Variants in SIK3 observed in about 807,000 individuals in gnomAD.
SIK3 encodes serine/threonine-protein kinase SIK3.
SIK3 carries 28 observed loss-of-function variants against 144.2 expected under a neutral mutation model. The ratio of observed to expected loss-of-function variants is 0.19; its 90% CI spans 0.14 to 0.27. SIK3 has a LOEUF of 0.27. Ranked by LOEUF, SIK3 falls within the 10% of genes least tolerant of loss-of-function variation. The probability of loss-of-function intolerance (pLI) is 1.00; values close to 1 mark genes in which losing one functional copy is unlikely to be tolerated. For synonymous variants in SIK3, 686 were observed against 676.3 expected (o/e 1.01, Z -0.22); for missense variants, 1,319 against 1,776.0 (o/e 0.74, Z 4.62).
At position 116,849,049 on chromosome 11, in the gene SIK3, C is replaced by T. The variant is rs1441229723; in HGVS notation, c.3819+71G>A. On this transcript the variant is annotated intron_variant, in intron 22 of 24. Coordinates refer to ENST00000445177, the MANE Select transcript of SIK3 (RefSeq NM_001366686.3). This position sits in a 1 kb window ranked among gnomAD's most constrained non-coding sequence, Gnocchi z 4.2. ...AGAGCGGCCAAGAGAGGCTACCCCA[C>T]ATCACTATACTCTGTTTCAAGGCTG... 2.0e-6 allele frequency: 3 copies of T among 1,474,038 alleles called. No homozygotes were observed. Among genetic ancestry groups the T allele is most frequent in the African/African-American group, 2.8e-5 (2 of 70,406 alleles). 91.3% of individuals were successfully genotyped at this position (1,474,038 alleles called of 1,614,324 possible). A position where few individuals can be genotyped will look rare whatever the true frequency, so the allele number is the denominator to read the frequency against.
At chr11:117,047,775 T>A (rs1953036618) in intron 1 of SIK3, among the ~76,000 whole-genome samples, 1 of 152,176 alleles carries the variant, frequency 6.6e-6, no homozygotes, top group African/African-American at 2.4e-5. Context: ...AGACCTCATA[T>A]TTACTTATAT....
At chr11:117,078,277 G>A (rs1353634909) in intron 1 of SIK3, among the ~76,000 whole-genome samples, 1 of 152,162 alleles carries the variant, frequency 6.6e-6, no homozygotes, top group African/African-American at 2.4e-5. Context: ...ATAAGAAAGT[G>A]ATTATTCAGC....
chr11:116,859,120 A>T, intron 20 of SIK3, 145 bp downstream of exon 20: 1 of 773,636 alleles, frequency 1.3e-6, no homozygotes. Context: ...TTCCAAACCC[A>T]GCATCCTGAT....
chr11:117,077,889 T>A (rs1464590313), intron 1 of SIK3, among the ~76,000 whole-genome samples: 2 of 152,176 alleles, frequency 1.3e-5, no homozygotes, highest in African/African-American at 4.8e-5. Flanking sequence ...CAAACAAACC[T>A]GTGTGTGTAT....
At chr11:116,877,396 G>C (rs1394199704) in intron 6 of SIK3, among the ~76,000 whole-genome samples, 1 of 152,186 alleles carries the variant, frequency 6.6e-6, no homozygotes, top group African/African-American at 2.4e-5. Context: ...AAGAGATTCA[G>C]TATCTTACAA....
intron 4 of SIK3, among the ~76,000 whole-genome samples, chr11:116,907,903 C>T (rs1378630040): frequency 6.6e-6 from 1 of 151,536 alleles, no homozygotes; most frequent in East Asian, 1.9e-4. Flanking sequence ...ATTACAGAGG[C>T]TGCCATCCTC....
In SIK3 at chr11:116,847,540, C is replaced by T. The variant is rs139869704; in HGVS notation, c.3888G>A (p.Ser1296=). The change falls in exon 23 of 25, where the codon TCG becomes TCA. Residue 1296 remains serine, a synonymous_variant. Transcript: ENST00000445177. The stretch of plus-strand genomic sequence containing the variant: ...GCGAAGACTGACTGAGAACTGCATC[C>T]GACATCCGGGCAGAGCTAAGTGCTT... ...AGKALSSARM[S]DAVLSQSSLM... is the part of the protein sequence containing the mutation. 101 of 1,614,184 alleles carry T rather than the reference C, an allele frequency of 6.3e-5. No individual in the cohort carries two copies. The African/African-American group carries it at 1.1e-3, about 17-fold the overall frequency.
At chr11:117,090,498 C>A (rs1955195580) in intron 1 of SIK3, among the ~76,000 whole-genome samples, 1 of 152,088 alleles carries the variant, frequency 6.6e-6, no homozygotes, top group Admixed American at 6.5e-5. Flanking sequence ...TAAGATGTCA[C>A]CATCCCTGGA....
chr11:117,041,562 T>C (rs1160055442), intron 1 of SIK3, among the ~76,000 whole-genome samples: 2 of 152,218 alleles, frequency 1.3e-5, no homozygotes, highest in Non-Finnish European at 1.5e-5. Context: ...GATGCTAAAA[T>C]ATCTGAAAAT....
intron 19 of SIK3, among the ~76,000 whole-genome samples, chr11:116,860,968 T>G (rs961447050): frequency 2.6e-5 from 4 of 152,206 alleles, no homozygotes; most frequent in African/African-American, 9.6e-5. Context: ...TTCTGAGGCC[T>G]CCCCAGCCAT....
In SIK3 at chr11:116,846,472, G is replaced by T; in HGVS notation, c.4034C>A (p.Ser1345Tyr). 1 of 1,614,226 alleles carries T rather than the reference G, an allele frequency of 6.2e-7. No individual in the cohort carries two copies. Among genetic ancestry groups the T allele is most frequent in the Non-Finnish European group, 8.5e-7 (1 of 1,180,042 alleles). Residue 1345 changes from serine (S) to tyrosine (Y), a missense_variant, in exon 24 of 25, where the codon TCT (serine) becomes TAT (tyrosine). This residue lies in a region of SIK3 where 646 missense variants were observed against 763.7 expected (regional missense o/e 0.85). Coordinates refer to ENST00000445177, the MANE Select transcript of SIK3 (RefSeq NM_001366686.3). The surrounding 1 kb of genome is among the most constrained non-coding windows in gnomAD (Gnocchi z 4.1). ...SQHLNSSCYPSTCITDILLSY... is the reference protein window; with the variant it reads ...SQHLNSSCYPYTCITDILLSY... The stretch of plus-strand genomic sequence containing the variant: ...GAGCAGAATGTCTGTAATACACGTA[G>T]ATGGATAGCAAGAGGAGTTTAAATG...
At chr11:117,070,752 CT>C (rs368884148) in intron 1 of SIK3, among the ~76,000 whole-genome samples, 17,729 of 127,946 alleles carry the variant, frequency 0.14, 1,656 homozygotes, top group African/African-American at 0.32. Flanking sequence ...GGCCCTTTTT[CT>C]TTTTTTTTTT....
chr11:116,917,127 C>T (rs934976529), intron 4 of SIK3, among the ~76,000 whole-genome samples: 2 of 151,922 alleles, frequency 1.3e-5, no homozygotes, highest in African/African-American at 4.8e-5. Context: ...GCTTCCAACA[C>T]GCTTCACACA....
intron 15 of SIK3, 53 bp from the exon 16 acceptor site, chr11:116,863,871 A>C: frequency 6.6e-7 from 1 of 1,507,412 alleles, no homozygotes; most frequent in South Asian, 1.3e-5. Flanking sequence ...GCTTTGACCA[A>C]ATCACACAGG....
intron 22 of SIK3, among the ~76,000 whole-genome samples, chr11:116,848,219 C>T (rs1942150935): frequency 6.7e-6 from 1 of 148,878 alleles, no homozygotes; most frequent in African/African-American, 2.5e-5. Flanking sequence ...GGGTGGCGGG[C>T]GCCTGTAGTC....
chr11:117,014,154 T>C (rs1238316863), intron 1 of SIK3, among the ~76,000 whole-genome samples: 1 of 151,162 alleles, frequency 6.6e-6, no homozygotes, highest in Admixed American at 6.6e-5. Flanking sequence ...CCAGTCAGTG[T>C]TCTTTCTATT....
intron 4 of SIK3, among the ~76,000 whole-genome samples, chr11:116,907,272 A>G (rs753436373): frequency 6.6e-6 from 1 of 152,232 alleles, no homozygotes; most frequent in African/African-American, 2.4e-5. Context: ...TGCCCTCAAA[A>G]TCCAGCCCCA....
intron 6 of SIK3, among the ~76,000 whole-genome samples, chr11:116,885,053 T>C (rs756827897): frequency 7.2e-5 from 11 of 152,222 alleles, no homozygotes; most frequent in Non-Finnish European, 1.2e-4. Flanking sequence ...TGGAGAATTA[T>C]CCATTTAACT....
chr11:116,988,701 G>T (rs1950405029), intron 1 of SIK3, among the ~76,000 whole-genome samples: 1 of 151,864 alleles, frequency 6.6e-6, no homozygotes, highest in Non-Finnish European at 1.5e-5. Context: ...GGCTGAGGTG[G>T]AAGGATTGCT....
Sources: gnomAD v4.1 joint callset for allele counts (sites outside exome capture counted in the v4.1 genomes callset) on GRCh38, gnomAD v4.1.1 for gene constraint, gnomAD v4.1.1 regional missense constraint, Gnocchi (gnomAD v3.1) non-coding constraint, MANE v1.5 for transcripts, NCBI Gene and HGNC (gene_info 2026-07-23, HGNC 2026-07-21) for gene names.